SI: variants seen among roughly 807,000 people sequenced by gnomAD.
SI encodes the protein sucrase-isomaltase, also known as sucrase-isomaltase, intestinal.
In SI, 235 loss-of-function variants were observed where a neutral mutation model predicts 253.3. The observed-to-expected ratio is 0.93, with a 90% confidence interval of 0.83 to 1.03. The LOEUF (loss-of-function observed/expected upper bound fraction) is 1.03, where lower values mean the gene tolerates loss of function less well. Among genes scored for constraint, SI ranks in the 50% least tolerant of loss-of-function variants. SI has a pLI of 0.00. For missense variants in SI, 2,442 were observed against 2,211.1 expected (o/e 1.10, Z -2.09); for synonymous variants, 819 against 712.0 (o/e 1.15, Z -2.39).
At chr3:165,022,397 A>G (rs916384089) in intron 26 of SI, among the ~76,000 whole-genome samples, 3 of 150,416 alleles carry the variant, frequency 2.0e-5, no homozygotes, top group African/African-American at 7.3e-5. Flanking sequence ...TTTCACATGG[A>G]ACTCATTCTA....
intron 26 of SI, among the ~76,000 whole-genome samples, chr3:165,022,682 C>G (rs777637157): frequency 4.0e-5 from 6 of 151,492 alleles, no homozygotes; most frequent in Non-Finnish European, 8.9e-5. Context: ...ATGCTATCTC[C>G]AGTTCCACAC....
intron 5 of SI, 62 bp from the exon 6 acceptor site, chr3:165,067,553 C>T (rs763524038): frequency 8.9e-6 from 12 of 1,345,724 alleles, no homozygotes; most frequent in Non-Finnish European, 1.2e-5. Context: ...TATTCCAGTT[C>T]TGAATTATTA....
In SI at chr3:164,998,583, T is replaced by TCCAAGCCAGTGTCCTCC; in HGVS notation, c.4480_4496dup (p.Asp1500GlufsTer22). ...TGTTGTCCCATCGTGCATAGTTGTCTCCAAGCCAGTGTCCTCCCCATCGTC... is the reference window on the plus strand; with the variant it reads ...TGTTGTCCCATCGTGCATAGTTGTCTCCAAGCCAGTGTCCTCCCCAAGCCAGTGTCCTCCCCATCGTC... On this transcript the variant is annotated frameshift_variant, in exon 38 of 48. Transcript: ENST00000264382. LOFTEE classifies it high-confidence loss of function. 12 of 1,612,270 alleles carry TCCAAGCCAGTGTCCTCC rather than the reference T, an allele frequency of 7.4e-6. No homozygotes were observed. The highest frequency in any genetic ancestry group is 1.0e-5 in the Non-Finnish European group (12 of 1,178,744).
At chr3:165,051,809 A>G (rs559388011) in intron 13 of SI, among the ~76,000 whole-genome samples, 2 of 151,930 alleles carry the variant, frequency 1.3e-5, no homozygotes, top group African/African-American at 4.8e-5. Flanking sequence ...AGTAAACATT[A>G]TTATGTAATT....
upstream of SI, among the ~76,000 whole-genome samples, chr3:165,081,519 C>A (rs560422585): frequency 6.6e-6 from 1 of 151,954 alleles, no homozygotes; most frequent in Non-Finnish European, 1.5e-5. Flanking sequence ...CTCAAATATG[C>A]ACCTTAGGTT....
At chr3:165,080,001 C>T (rs1715245165), upstream of SI, among the ~76,000 whole-genome samples, 1 of 151,874 alleles carries the variant, frequency 6.6e-6, no homozygotes, top group African/African-American at 2.4e-5. Flanking sequence ...TAAATATAGA[C>T]AAGCTGATTG....
chr3:165,068,844 A>G lies in SI; in HGVS notation c.374-13T>C. The G allele has an allele frequency of 6.4e-7, 1 of 1,551,014 alleles. No homozygotes were observed. The highest frequency in any genetic ancestry group is 8.9e-7 in the Non-Finnish European group (1 of 1,122,672). ...TTGGCTTCAACTCCTTAAAGAATAA[A>G]AAAAAGCTGCCATGAGTGACTTGAT... On this transcript the variant is annotated splice_polypyrimidine_tract_variant and intron_variant, in intron 4 of 47. Coordinates refer to ENST00000264382, the MANE Select transcript of SI (RefSeq NM_001041.4).
intron 3 of SI, among the ~76,000 whole-genome samples, chr3:165,072,138 A>G (rs897646966): frequency 2.0e-5 from 3 of 152,128 alleles, no homozygotes; most frequent in African/African-American, 7.2e-5. Context: ...CATGTATATG[A>G]AAACCTAAGA....
chr3:165,030,675 T>C (rs1712179940), intron 25 of SI, 37 bp downstream of exon 25: 2 of 1,596,696 alleles, frequency 1.3e-6, no homozygotes, highest in East Asian at 4.5e-5. Context: ...GCTTATGTGA[T>C]AACCATATCA....
intron 18 of SI, among the ~76,000 whole-genome samples, chr3:165,040,486 G>T (rs1210293450): frequency 1.3e-5 from 2 of 151,770 alleles, no homozygotes; most frequent in African/African-American, 2.4e-5. Context: ...CTTTTTTGTG[G>T]TAAGCTCTAG....
Position 165,046,978 on chromosome 3 carries a change from A to T in SI, c.1750T>A (p.Phe584Ile), listed in dbSNP as rs1190979624. ...VQKVFPNKRSFILTRSTFAGS... is the reference protein window; with the variant it reads ...VQKVFPNKRSIILTRSTFAGS... ...GCAAATGTTGAGCGGGTAAGAATGAAGCTTCTCTTATTAGGAAAAACTTTT... is the reference window on the plus strand; with the variant it reads ...GCAAATGTTGAGCGGGTAAGAATGATGCTTCTCTTATTAGGAAAAACTTTT... Residue 584 changes from phenylalanine to isoleucine, a missense_variant, in exon 16 of 48, where the codon TTC becomes ATC. Physicochemically the swap from Phe to Ile is conservative, Grantham distance 21. Transcript: ENST00000264382. 6.2e-7 allele frequency: 1 copy of T among 1,610,580 alleles called. No individual in the cohort carries two copies. The highest frequency in any genetic ancestry group is 1.7e-5 in the Admixed American group (1 of 59,710).
chr3:165,025,329 G>A (rs1711856097), intron 25 of SI, among the ~76,000 whole-genome samples: 1 of 151,152 alleles, frequency 6.6e-6, no homozygotes, highest in African/African-American at 2.4e-5. Flanking sequence ...TATGAACACA[G>A]CCTGCAAGAA....
At chr3:165,002,715 A>C (rs1718310955) in intron 37 of SI, among the ~76,000 whole-genome samples, 1 of 151,702 alleles carries the variant, frequency 6.6e-6, no homozygotes, top group East Asian at 1.9e-4. Flanking sequence ...TATACATGTA[A>C]TTAATTATTT....
At chr3:165,046,204 T>A (rs1437359565) in intron 16 of SI, among the ~76,000 whole-genome samples, 2 of 152,110 alleles carry the variant, frequency 1.3e-5, no homozygotes, top group African/African-American at 2.4e-5. Flanking sequence ...GGTGTTTGTT[T>A]TATTTGTGCA....
intron 22 of SI, among the ~76,000 whole-genome samples, chr3:165,035,420 A>C (rs1712483391): frequency 6.6e-6 from 1 of 151,958 alleles, no homozygotes; most frequent in African/African-American, 2.4e-5. Flanking sequence ...AAATAATGCC[A>C]TAAATAAATG....
At chr3:165,033,749 A>T (rs1712370843) in intron 22 of SI, among the ~76,000 whole-genome samples, 1 of 151,580 alleles carries the variant, frequency 6.6e-6, no homozygotes, top group South Asian at 2.1e-4. Context: ...ATAATTAAAA[A>T]TGTATTATTT....
intron 3 of SI, 61 bp downstream of exon 3, chr3:165,074,470 A>G (rs1714810665): frequency 9.6e-7 from 1 of 1,041,678 alleles, no homozygotes; most frequent in Non-Finnish European, 1.4e-6. Context: ...AATATTCAGC[A>G]ATTATCTTAA....
rs145123030 is a variant in SI, at chr3:165,056,275, A to T, written c.1399-968T>A. 9.1e-4 allele frequency among the ~76,000 whole-genome samples: 138 copies of T among 152,262 alleles called. 1 individual carries two copies. In the East Asian group the frequency reaches 0.023, roughly 25 times the overall value. On this transcript the variant is annotated intron_variant, in intron 12 of 47. Transcript: ENST00000264382. ...TTACAAAAGGAGTTCATAATTATTTAAAAGACTTTCACGGGAAACTTTAAG... is the reference window on the plus strand; with the variant it reads ...TTACAAAAGGAGTTCATAATTATTTTAAAGACTTTCACGGGAAACTTTAAG...
At chr3:165,051,325 C>T (rs1275905936) in intron 13 of SI, among the ~76,000 whole-genome samples, 5 of 151,960 alleles carry the variant, frequency 3.3e-5, no homozygotes, top group African/African-American at 7.2e-5. Flanking sequence ...TATCATGACA[C>T]GTTTAATCGG....
Sources: gnomAD v4.1 joint callset for allele counts (sites outside exome capture counted in the v4.1 genomes callset) on GRCh38, gnomAD v4.1.1 for gene constraint, MANE v1.5 for transcripts, NCBI Gene and HGNC (gene_info 2026-07-23, HGNC 2026-07-21) for gene names.